ZFAT: variants seen among roughly 807,000 people sequenced by gnomAD.
ZFAT encodes zinc finger protein ZFAT.
ZFAT carries 64 observed loss-of-function variants against 117.7 expected under a neutral mutation model. The ratio of observed to expected loss-of-function variants is 0.54; its 90% CI spans 0.44 to 0.67. The LOEUF (loss-of-function observed/expected upper bound fraction) is 0.67. Ranked by LOEUF, ZFAT falls within the 30% of genes least tolerant of loss-of-function variation. The pLI, the probability that ZFAT is intolerant of heterozygous loss-of-function variation, is 0.00. For synonymous variants in ZFAT, 679 were observed against 615.0 expected, an observed-to-expected ratio of 1.10 and a Z score of -1.54; for missense variants, 1,433 against 1,584.5, an observed-to-expected ratio of 0.90 and a Z score of 1.62.
intron 10 of ZFAT, among the ~76,000 whole-genome samples, chr8:134,566,393 C>CAAAAAAAAAAAAAAAA (rs57041885): frequency 7.6e-4 from 59 of 77,206 alleles, no homozygotes; most frequent in East Asian, 3.3e-3. Context: ...GACTCCAACT[C>CAAAAAAAAAAAAAAAA]AAAAAAAAAA....
intron 1 of ZFAT, among the ~76,000 whole-genome samples, chr8:134,688,295 T>TACAC (rs1267675341): frequency 6.6e-6 from 1 of 152,148 alleles, no homozygotes; most frequent in African/African-American, 2.4e-5. Context: ...CAAATACACA[T>TACAC]ACACACACAT....
At chr8:134,785,563 T>TA in the ZFAT span, 3 of 146,160 alleles carry the variant, frequency 2.1e-5, no homozygotes, top group African/African-American at 5.1e-5. Flanking sequence ...GTGAGAAGGG[T>TA]ATATAATTTT....
At chr8:134,654,211 C>G (rs1261309794) in intron 2 of ZFAT, among the ~76,000 whole-genome samples, 1 of 152,100 alleles carries the variant, frequency 6.6e-6, no homozygotes, top group African/African-American at 2.4e-5. Context: ...AGGAGAATCA[C>G]TTGAACCCGG....
intron 10 of ZFAT, among the ~76,000 whole-genome samples, chr8:134,577,410 C>T (rs936457500): frequency 6.6e-6 from 1 of 152,140 alleles, no homozygotes; most frequent in East Asian, 1.9e-4. Context: ...TTCCTTTTTA[C>T]TTCATTAAAA....
intron 1 of ZFAT, among the ~76,000 whole-genome samples, chr8:134,687,695 T>C (rs1473981784): frequency 6.6e-6 from 1 of 152,114 alleles, no homozygotes; most frequent in Non-Finnish European, 1.5e-5. Context: ...AAGAGCCGCC[T>C]ACCCACAGCT....
At chr8:134,791,928 T>C in the ZFAT span, 1 of 152,196 alleles carries the variant, frequency 6.6e-6, no homozygotes, top group African/African-American at 2.4e-5. Context: ...GCTACTGTCT[T>C]AGAGTTCTCT....
intron 15 of ZFAT, among the ~76,000 whole-genome samples, chr8:134,508,714 T>C (rs1819596802): frequency 6.6e-6 from 1 of 152,222 alleles, no homozygotes; most frequent in Non-Finnish European, 1.5e-5. Flanking sequence ...ATAACCACCA[T>C]GATGGCAGAC....
At chr8:134,642,763 C>T (rs181246791) in intron 2 of ZFAT, among the ~76,000 whole-genome samples, 21 of 152,364 alleles carry the variant, frequency 1.4e-4, no homozygotes, top group Admixed American at 1.3e-3. Flanking sequence ...TCTCTAATCA[C>T]ACCAACTCAA....
chr8:134,654,362 G>C (rs1831464220), intron 2 of ZFAT, among the ~76,000 whole-genome samples: 1 of 152,162 alleles, frequency 6.6e-6, no homozygotes, highest in Admixed American at 6.5e-5. Flanking sequence ...TAATTGCTTT[G>C]ATGGGTTTAC....
intron 13 of ZFAT, among the ~76,000 whole-genome samples, chr8:134,515,840 C>T (rs946079795): frequency 1.3e-5 from 2 of 152,162 alleles, no homozygotes; most frequent in Non-Finnish European, 2.9e-5. Flanking sequence ...ATCCTGAAAT[C>T]ATTATTTGCC....
intron 11 of ZFAT, among the ~76,000 whole-genome samples, chr8:134,556,773 CA>C (rs1196678737): frequency 6.6e-6 from 1 of 152,018 alleles, no homozygotes; most frequent in Non-Finnish European, 1.5e-5. Context: ...AGCATACCAG[CA>C]CACAAGAAAT....
chr8:134,606,093 G>A (rs546248924), intron 5 of ZFAT, among the ~76,000 whole-genome samples: 6 of 152,168 alleles, frequency 3.9e-5, no homozygotes, highest in South Asian at 2.1e-4. Flanking sequence ...AAAAGGAAGC[G>A]GTGCCTGCAA....
chr8:134,727,594 G>A, the ZFAT span, among the ~76,000 whole-genome samples: 3 of 152,220 alleles, frequency 2.0e-5, no homozygotes, highest in South Asian at 2.1e-4. Flanking sequence ...TATTTTACAC[G>A]TCAAGCCAGT....
At chr8:134,819,432 A>G in the ZFAT span, among the ~76,000 whole-genome samples, 372 of 150,326 alleles carry the variant, frequency 2.5e-3, 1 homozygote, top group South Asian at 9.8e-3. Context: ...CATTAAATGT[A>G]TCTGCAGATT....
chr8:134,709,444 G>A (rs1177964415), intron 1 of ZFAT, among the ~76,000 whole-genome samples: 1 of 152,192 alleles, frequency 6.6e-6, no homozygotes, highest in African/African-American at 2.4e-5. Flanking sequence ...CAGATCTCTG[G>A]AGCCAGAGCA....
intron 1 of ZFAT, among the ~76,000 whole-genome samples, chr8:134,711,753 G>T (rs1820318183): frequency 6.6e-6 from 1 of 152,224 alleles, no homozygotes; most frequent in Non-Finnish European, 1.5e-5. Context: ...GCAGCAGGTG[G>T]AGGCAGGACT....
intron 3 of ZFAT, among the ~76,000 whole-genome samples, chr8:134,627,113 T>C (rs7829066): frequency 0.051 from 7,690 of 152,222 alleles, 677 homozygotes; most frequent in African/African-American, 0.17. Flanking sequence ...TCCATCCATG[T>C]CCAGCAAGAG....
the ZFAT span, among the ~76,000 whole-genome samples, chr8:134,754,091 T>A: frequency 6.6e-6 from 1 of 152,138 alleles, no homozygotes; most frequent in Non-Finnish European, 1.5e-5. Context: ...CCCAGAACAA[T>A]GGTGACTGGG....
At chr8:134,505,519 G>C (rs187511182) in intron 15 of ZFAT, among the ~76,000 whole-genome samples, 1 of 152,178 alleles carries the variant, frequency 6.6e-6, no homozygotes, top group African/African-American at 2.4e-5. Flanking sequence ...GCCATCCCAG[G>C]TGGACAGTCC....
Sources: allele counts gnomAD v4.1 joint callset (sites outside exome capture counted in the v4.1 genomes callset), GRCh38; gene constraint gnomAD v4.1.1; transcripts MANE v1.5; gene names NCBI Gene and HGNC (gene_info 2026-07-23, HGNC 2026-07-21).